The following KCNQ1 variants were observed in gnomAD, a reference collection of about 807,000 sequenced individuals.
KCNQ1 encodes potassium voltage-gated channel subfamily Q member 1.
KCNQ1 carries 49 observed loss-of-function variants against 72.4 expected under a neutral mutation model. That is an observed-to-expected ratio of 0.68 (90% confidence interval 0.54 to 0.86). The LOEUF (loss-of-function observed/expected upper bound fraction) is 0.86. Ranked by LOEUF, KCNQ1 falls within the 40% of genes least tolerant of loss-of-function variation. The pLI, the probability that KCNQ1 is intolerant of heterozygous loss-of-function variation, is 0.00. For missense variants in KCNQ1, 790 were observed against 945.1 expected, an observed-to-expected ratio of 0.84 and a Z score of 2.15; for synonymous variants, 450 against 412.6, an observed-to-expected ratio of 1.09 and a Z score of -1.10.
chr11:2,749,953 C>T (rs1846199746), intron 11 of KCNQ1, among the ~76,000 whole-genome samples: 1 of 101,842 alleles, frequency 9.8e-6, no homozygotes, highest in South Asian at 3.4e-4. Flanking sequence ...GAGTGAGACT[C>T]TGTCTCCAAA....
Position 2,538,271 on chromosome 11 carries a change from C to T in KCNQ1, c.477+10253C>T, listed in dbSNP as rs1049818625. Among the ~76,000 whole-genome samples, 10 of 152,178 alleles carry T rather than the reference C, an allele frequency of 6.6e-5. No individual in the cohort carries two copies. Among genetic ancestry groups the T allele is most frequent in the Admixed American group, 5.2e-4 (8 of 15,286 alleles). On this transcript the variant is annotated intron_variant, in intron 2 of 15. Transcript: ENST00000155840. The surrounding 1 kb of genome is among the most constrained non-coding windows in gnomAD (Gnocchi z 6.7). ...TTCTTTGACCTGGAGCAGCCCTGCC[C>T]GGCCTTCCCTTCTTGGTCTCTCTCT...
At chr11:2,589,780 G>A (rs1025034696) in intron 10 of KCNQ1, among the ~76,000 whole-genome samples, 8 of 152,188 alleles carry the variant, frequency 5.3e-5, no homozygotes, top group Admixed American at 2.6e-4. Flanking sequence ...GGGCATCAGC[G>A]CTTGGCCTCC....
intron 11 of KCNQ1, among the ~76,000 whole-genome samples, chr11:2,728,146 C>T (rs231914): frequency 0.6 from 90,406 of 151,918 alleles, 27,211 homozygotes; most frequent in Middle Eastern, 0.73. Context: ...CCAGGACTTC[C>T]GATGGTTCTG....
Position 2,783,100 on chromosome 11 carries a change from G to C in KCNQ1, c.1794+5063G>C, listed in dbSNP as rs1846851353. 6.6e-6 allele frequency among the ~76,000 whole-genome samples: 1 copy of C among 152,052 alleles called. No homozygotes were observed. The highest frequency in any genetic ancestry group is 1.5e-5 in the Non-Finnish European group (1 of 67,984). On this transcript the variant is annotated intron_variant, in intron 15 of 15. Transcript: ENST00000155840. The surrounding 1 kb of genome is among the most constrained non-coding windows in gnomAD (Gnocchi z 5.2). ...CTAAATTTTTAAGGTATGCATTTAA[G>C]GTTATAAATTTTTCCTTTAAATATC...
At chr11:2,685,298 G>C (rs1404538609) in intron 11 of KCNQ1, 11 of 398,560 alleles carry the variant, frequency 2.8e-5, no homozygotes, top group Non-Finnish European at 4.9e-5. Context: ...CATGCACACA[G>C]AGTATCGATC....
At position 2,828,665 on chromosome 11, in the gene KCNQ1, C is replaced by G. The variant is rs528010228; in HGVS notation, c.1795-19102C>G. ...AGGTTGAGTCTCCAGAAAAGCTGAG[C>G]CTGAGAGGTTCTGAACTTGGAGCCA... is the stretch of plus-strand genomic sequence containing the variant. On this transcript the variant is annotated intron_variant, in intron 15 of 15. Coordinates refer to ENST00000155840, the MANE Select transcript of KCNQ1 (RefSeq NM_000218.3). This position sits in a 1 kb window ranked among gnomAD's most constrained non-coding sequence, Gnocchi z 5.3. 2.6e-5 allele frequency among the ~76,000 whole-genome samples: 4 copies of G among 152,154 alleles called. No homozygotes were observed. Among genetic ancestry groups the G allele is most frequent in the Non-Finnish European group, 5.9e-5 (4 of 68,042 alleles).
In KCNQ1 at chr11:2,824,976, G is replaced by A. The variant is rs942863302; in HGVS notation, c.1795-22791G>A. On this transcript the variant is annotated intron_variant, in intron 15 of 15. Transcript: ENST00000155840. This position sits in a 1 kb window ranked among gnomAD's most constrained non-coding sequence, Gnocchi z 5.9. Reference sequence around the variant, plus strand: ...GGGGCGTTTGGACAGGGGAGGCCGGGTGTGGATGGAAGCTGTACGATGGGG... The same window carrying A: ...GGGGCGTTTGGACAGGGGAGGCCGGATGTGGATGGAAGCTGTACGATGGGG... 1.3e-5 allele frequency among the ~76,000 whole-genome samples: 2 copies of A among 152,242 alleles called. No individual in the cohort carries two copies. The highest frequency in any genetic ancestry group is 4.8e-5 in the African/African-American group (2 of 41,466).
Position 2,769,523 on chromosome 11 carries a change from C to G in KCNQ1, c.1590+604C>G, listed in dbSNP as rs1304161417. 1.3e-5 allele frequency among the ~76,000 whole-genome samples: 2 copies of G among 152,240 alleles called. No individual in the cohort carries two copies. The highest frequency in any genetic ancestry group is 2.9e-5 in the Non-Finnish European group (2 of 68,040). On this transcript the variant is annotated intron_variant, in intron 12 of 15. Transcript: ENST00000155840. This position sits in a 1 kb window ranked among gnomAD's most constrained non-coding sequence, Gnocchi z 4.6. ...GGGCATGTCCCCCCTACAGAAGCCC[C>G]TTAGAGCCCCCAGAGTCCATGCCCC...
chr11:2,679,943 GA>G lies in KCNQ1; in HGVS notation c.1514+17864del. On this transcript the variant is annotated intron_variant, in intron 11 of 15. Coordinates refer to ENST00000155840, the MANE Select transcript of KCNQ1 (RefSeq NM_000218.3). This position sits in a 1 kb window ranked among gnomAD's most constrained non-coding sequence, Gnocchi z 4.8. The stretch of plus-strand genomic sequence containing the variant: ...GAGTCTCACTTTGTCACCTAGGCGG[GA>G]ATGCAGTGGCACAGTCTCGGCTTAC... 2 of 397,290 alleles carry G rather than the reference GA, an allele frequency of 5.0e-6. No homozygotes were observed. Among genetic ancestry groups the G allele is most frequent in the East Asian group, 7.1e-5 (2 of 28,062 alleles). The allele number at this position is 397,290 out of a possible 1,614,324, so 24.6% of individuals were successfully genotyped here. A position where few individuals can be genotyped will look rare whatever the true frequency, so the allele number is the denominator to read the frequency against.
chr11:2,561,216 G>GA (rs956329782), intron 2 of KCNQ1, among the ~76,000 whole-genome samples: 1 of 148,738 alleles, frequency 6.7e-6, no homozygotes, highest in African/African-American at 2.5e-5. Flanking sequence ...AAAAAAAAAA[G>GA]AAAAAAAGAA....
intron 15 of KCNQ1, among the ~76,000 whole-genome samples, chr11:2,825,939 C>T (rs1847830220): frequency 6.6e-6 from 1 of 152,262 alleles, no homozygotes; most frequent in Non-Finnish European, 1.5e-5. Context: ...GAGCCCCTTC[C>T]TCAGATCCTG....
At chr11:2,797,166 G>A (rs113934687) in intron 15 of KCNQ1, among the ~76,000 whole-genome samples, 159 of 152,284 alleles carry the variant, frequency 1.0e-3, no homozygotes, top group Middle Eastern at 6.8e-3. Context: ...GACCTGGGGG[G>A]GTGGCGGGGG....
rs1420315723 is a variant in KCNQ1, at chr11:2,600,870, T to C, written c.1393+12016T>C. ...GAGTCTGATGTTTCCTCAGGTTAGA[T>C]CCACGTTGTGTACTCTGTAAGTGAC... On this transcript the variant is annotated intron_variant, in intron 10 of 15. Coordinates refer to ENST00000155840, the MANE Select transcript of KCNQ1 (RefSeq NM_000218.3). This position sits in a 1 kb window ranked among gnomAD's most constrained non-coding sequence, Gnocchi z 5.6. Among the ~76,000 whole-genome samples the C allele has an allele frequency of 1.3e-5, 2 of 152,190 alleles. No homozygotes were observed. Among genetic ancestry groups the C allele is most frequent in the African/African-American group, 2.4e-5 (1 of 41,448 alleles).
rs201996512 is a variant in KCNQ1, at chr11:2,679,453, AATAAT to A, written c.1514+17377_1514+17381del. On this transcript the variant is annotated intron_variant, in intron 11 of 15. Coordinates refer to ENST00000155840, the MANE Select transcript of KCNQ1 (RefSeq NM_000218.3). The surrounding 1 kb of genome is among the most constrained non-coding windows in gnomAD (Gnocchi z 4.8). ...GGTTGTTAGGAGGATTACACAAATT[AATAAT>A]ATAAAGTATGCAGAAAAGTGCCTGT... is the stretch of plus-strand genomic sequence containing the variant. 3 of 398,638 alleles carry A rather than the reference AATAAT, an allele frequency of 7.5e-6. No individual in the cohort carries two copies. The East Asian group carries it at 1.1e-4, about 14-fold the overall frequency. 24.7% of individuals were successfully genotyped at this position (398,638 alleles called of 1,614,324 possible). A position where few individuals can be genotyped will look rare whatever the true frequency, so the allele number is the denominator to read the frequency against.
Position 2,657,758 on chromosome 11 carries a change from G to C in KCNQ1, c.1394-4203G>C, listed in dbSNP as rs879380419. 1.3e-5 allele frequency: 5 copies of C among 398,456 alleles called. No homozygotes were observed. Among genetic ancestry groups the C allele is most frequent in the Middle Eastern group, 6.2e-4 (1 of 1,610 alleles). 24.7% of individuals were successfully genotyped at this position (398,456 alleles called of 1,614,324 possible). A position where few individuals can be genotyped will look rare whatever the true frequency, so the allele number is the denominator to read the frequency against. On this transcript the variant is annotated intron_variant, in intron 10 of 15. Transcript: ENST00000155840. This position sits in a 1 kb window ranked among gnomAD's most constrained non-coding sequence, Gnocchi z 4.8. ...GATCGGTGACGGGCTTCTCAGTCTT[G>C]TTCTTCATTAACTTGACACTTTTGA... is the stretch of plus-strand genomic sequence containing the variant.
At position 2,720,459 on chromosome 11, in the gene KCNQ1, C is replaced by T. The variant is rs970139163; in HGVS notation, c.1515-48385C>T. ...AGCTGCTGGCCTCAAGAAGGCCTCT[C>T]GAAGCAGAGGCAGCCCCCTCGAAGC... is the stretch of plus-strand genomic sequence containing the variant. On this transcript the variant is annotated intron_variant, in intron 11 of 15. Transcript: ENST00000155840. The surrounding 1 kb of genome is among the most constrained non-coding windows in gnomAD (Gnocchi z 5.1). Among the ~76,000 whole-genome samples, 8 of 152,108 alleles carry T rather than the reference C, an allele frequency of 5.3e-5. No homozygotes were observed. Among genetic ancestry groups the T allele is most frequent in the Non-Finnish European group, 7.4e-5 (5 of 68,020 alleles).
At chr11:2,574,888 G>A (rs915231696) in intron 6 of KCNQ1, among the ~76,000 whole-genome samples, 4 of 152,240 alleles carry the variant, frequency 2.6e-5, no homozygotes. Flanking sequence ...AGTGTGGCAG[G>A]CCTGAGCAGG....
Position 2,683,285 on chromosome 11 carries a change from G to A in KCNQ1, c.1514+21204G>A, listed in dbSNP as rs911630567. 3.3e-5 allele frequency: 13 copies of A among 398,586 alleles called. No homozygotes were observed. Among genetic ancestry groups the A allele is most frequent in the African/African-American group, 1.6e-4 (8 of 48,738 alleles). 24.7% of individuals were successfully genotyped at this position (398,586 alleles called of 1,614,324 possible). On this transcript the variant is annotated intron_variant, in intron 11 of 15. Transcript: ENST00000155840. This position sits in a 1 kb window ranked among gnomAD's most constrained non-coding sequence, Gnocchi z 4.7. ...TGTCAGCCTGAGTATGGGCAATGGCGTTTTAGTTTGCAAAACCAGACACAT... is the reference window on the plus strand; with the variant it reads ...TGTCAGCCTGAGTATGGGCAATGGCATTTTAGTTTGCAAAACCAGACACAT...
intron 15 of KCNQ1, among the ~76,000 whole-genome samples, chr11:2,847,323 C>T (rs1179606958): frequency 1.3e-5 from 2 of 152,224 alleles, no homozygotes. Flanking sequence ...CCCAGCCTTT[C>T]TTGACCCTTA....
Sources: gnomAD v4.1 joint callset for allele counts (sites outside exome capture counted in the v4.1 genomes callset) on GRCh38, gnomAD v4.1.1 for gene constraint, Gnocchi (gnomAD v3.1) non-coding constraint, MANE v1.5 for transcripts, NCBI Gene and HGNC (gene_info 2026-07-23, HGNC 2026-07-21) for gene names.